The following LRIG1 variants were observed in gnomAD, a reference collection of about 807,000 sequenced individuals.
The protein encoded by LRIG1 is leucine rich repeats and immunoglobulin like domains 1, also known as leucine-rich repeats and immunoglobulin-like domains protein 1.
Under a neutral mutation model 99.2 loss-of-function variants are expected in LRIG1, and 48 were observed. The observed-to-expected ratio is 0.48, with a 90% CI of 0.38 to 0.62. LRIG1 has a LOEUF of 0.62. LRIG1 is among the 20% of genes least tolerant of loss of function. The pLI is 0.00. For missense variants in LRIG1, 1,646 were observed against 1,434.4 expected, an observed-to-expected ratio of 1.15 and a Z score of -2.38; for synonymous variants, 772 against 596.1, an observed-to-expected ratio of 1.29 and a Z score of -4.30.
chr3:66,431,606 G>A (rs965143776), intron 3 of LRIG1, among the ~76,000 whole-genome samples: 1 of 152,202 alleles, frequency 6.6e-6, no homozygotes. Flanking sequence ...GTCAGCAACT[G>A]GGGGAGGGGG....
chr3:66,498,727 CAGA>C (rs374099174), intron 1 of LRIG1, among the ~76,000 whole-genome samples: 7 of 152,178 alleles, frequency 4.6e-5, no homozygotes, highest in South Asian at 2.1e-4. Context: ...GTAAATTCCA[CAGA>C]AGAAGTAGAT....
chr3:66,423,393 G>A (rs532754927), intron 3 of LRIG1, among the ~76,000 whole-genome samples: 3 of 152,236 alleles, frequency 2.0e-5, no homozygotes, highest in East Asian at 1.9e-4. Context: ...CCAACATGGA[G>A]CAACCCTGTC....
In LRIG1 at chr3:66,416,992, A is replaced by G. The variant is rs903739214; in HGVS notation, c.503+137T>C. 7 of 1,137,710 alleles carry G rather than the reference A, an allele frequency of 6.2e-6. 1 individual carries two copies. The Admixed American group carries it at 1.4e-4, about 23-fold the overall frequency. 70.5% of individuals were successfully genotyped at this position (1,137,710 alleles called of 1,614,324 possible). ...GCCCTGCTCAGGGAAGGTCTGAACC[A>G]TCCCCACTGACTCGGCCCAGCCGTG... On this transcript the variant is annotated intron_variant, in intron 4 of 18. Transcript: ENST00000273261.
At chr3:66,428,188 T>C (rs182862463) in intron 3 of LRIG1, among the ~76,000 whole-genome samples, 80 of 152,326 alleles carry the variant, frequency 5.3e-4, no homozygotes, top group African/African-American at 1.7e-3. Flanking sequence ...ACTCAGGTCA[T>C]TGAGCTTGCA....
chr3:66,408,040 G>GC (rs1180415172), intron 7 of LRIG1, among the ~76,000 whole-genome samples: 1 of 152,156 alleles, frequency 6.6e-6, no homozygotes, highest in Non-Finnish European at 1.5e-5. Context: ...AGGCCTCCCT[G>GC]CCCCCATCCA....
intron 13 of LRIG1, 90 bp from the exon 14 acceptor site, chr3:66,384,362 CCCAGTG>C: frequency 7.3e-7 from 1 of 1,361,536 alleles, no homozygotes; most frequent in East Asian, 2.3e-5. Context: ...TGTCACTGTG[CCCAGTG>C]CCAGTTCACT....
At chr3:66,467,621 A>C (rs1214826227) in intron 1 of LRIG1, among the ~76,000 whole-genome samples, 2 of 152,040 alleles carry the variant, frequency 1.3e-5, no homozygotes, top group African/African-American at 4.8e-5. Flanking sequence ...TCGGCCTCCC[A>C]AAGTGCTGGG....
intron 1 of LRIG1, among the ~76,000 whole-genome samples, chr3:66,485,095 T>C (rs1242527080): frequency 1.3e-5 from 2 of 151,000 alleles, no homozygotes; most frequent in Non-Finnish European, 2.9e-5. Flanking sequence ...GAGGCAAAGG[T>C]TGCAGTGAGT....
intron 1 of LRIG1, among the ~76,000 whole-genome samples, chr3:66,476,643 A>T (rs1700728946): frequency 6.6e-6 from 1 of 152,210 alleles, no homozygotes; most frequent in South Asian, 2.1e-4. Context: ...AAATCAAAGC[A>T]CTAGAAAAAG....
In LRIG1 at chr3:66,500,463, C is replaced by T. The variant is rs1701333762; in HGVS notation, c.-56G>A. The T allele has an allele frequency of 8.9e-7, 1 of 1,118,990 alleles. No individual in the cohort carries two copies. Among genetic ancestry groups the T allele is most frequent in the African/African-American group, 1.6e-5 (1 of 61,552 alleles). The allele number at this position is 1,118,990 out of a possible 1,614,324, so 69.3% of individuals were successfully genotyped here. ...GCGGGGACTGTGAGGACCCGAACGGCCGCAGACGCGGGCGGGCCCGCGGGG... is the reference window on the plus strand; with the variant it reads ...GCGGGGACTGTGAGGACCCGAACGGTCGCAGACGCGGGCGGGCCCGCGGGG... On this transcript the variant is annotated 5_prime_UTR_variant, in exon 1 of 19. Transcript: ENST00000273261.
At chr3:66,411,280 G>C (rs1210437692) in intron 6 of LRIG1, among the ~76,000 whole-genome samples, 2 of 152,172 alleles carry the variant, frequency 1.3e-5, no homozygotes, top group Non-Finnish European at 2.9e-5. Flanking sequence ...ACTGAGTTTT[G>C]CTTTTTTCCA....
At chr3:66,422,896 A>T (rs1031210616) in intron 3 of LRIG1, among the ~76,000 whole-genome samples, 1 of 152,204 alleles carries the variant, frequency 6.6e-6, no homozygotes, top group Non-Finnish European at 1.5e-5. Flanking sequence ...GGAACAAATC[A>T]CATCTTACAT....
chr3:66,469,577 C>A (rs1700550993), intron 1 of LRIG1, among the ~76,000 whole-genome samples: 1 of 152,146 alleles, frequency 6.6e-6, no homozygotes, highest in African/African-American at 2.4e-5. Flanking sequence ...TGCTTCTCGG[C>A]CTTACTAGTT....
intron 4 of LRIG1, among the ~76,000 whole-genome samples, chr3:66,416,192 G>T (rs1227879546): frequency 1.3e-5 from 2 of 152,186 alleles, no homozygotes; most frequent in Non-Finnish European, 2.9e-5. Flanking sequence ...GTGGTGTCAC[G>T]TGGACACCTT....
intron 3 of LRIG1, among the ~76,000 whole-genome samples, chr3:66,439,056 C>G (rs929288737): frequency 6.6e-6 from 1 of 152,184 alleles, no homozygotes; most frequent in Non-Finnish European, 1.5e-5. Context: ...TCAGGGTTCT[C>G]GTTAACACAC....
At chr3:66,381,711 C>A (rs530455479) in intron 16 of LRIG1, 80 bp from the exon 17 acceptor site, 20 of 1,467,544 alleles carry the variant, frequency 1.4e-5, no homozygotes, top group Middle Eastern at 1.8e-4. Flanking sequence ...TGAGCAAGGC[C>A]GCTAGAACAG....
chr3:66,406,176 C>T (rs1004382143), intron 8 of LRIG1: 10 of 985,328 alleles, frequency 1.0e-5, no homozygotes, highest in Non-Finnish European at 1.2e-5. Context: ...GAAATGCTGG[C>T]GGTGACCTTT....
At position 66,410,111 on chromosome 3, in the gene LRIG1, A is replaced by G; in HGVS notation, c.935+18T>C. ...GTGTCTAAAAACACTGCCACAGCCC[A>G]GAGCCGAGGACACTTACAACTCATG... On this transcript the variant is annotated intron_variant, in intron 7 of 18. Transcript: ENST00000273261. 6.2e-7 allele frequency: 1 copy of G among 1,601,792 alleles called. No individual in the cohort carries two copies.
intron 7 of LRIG1, among the ~76,000 whole-genome samples, chr3:66,408,818 A>T (rs1047225021): frequency 3.9e-5 from 6 of 152,150 alleles, no homozygotes; most frequent in Middle Eastern, 3.2e-3. Flanking sequence ...CAAAGGGTTA[A>T]CACTCACAGA....
Sources: allele counts gnomAD v4.1 joint callset (sites outside exome capture counted in the v4.1 genomes callset), GRCh38; gene constraint gnomAD v4.1.1; transcripts MANE v1.5; gene names NCBI Gene and HGNC (gene_info 2026-07-23, HGNC 2026-07-21).